The following GSG1L variants were observed in gnomAD, a reference collection of about 807,000 sequenced individuals.
The protein encoded by GSG1L is GSG1 like, also known as germ cell-specific gene 1-like protein.
A neutral mutation model predicts 42.1 loss-of-function variants in GSG1L; 24 were observed. The ratio of observed to expected loss-of-function variants is 0.57; its 90% confidence interval spans 0.41 to 0.80. The LOEUF (loss-of-function observed/expected upper bound fraction) is 0.80. Ranked by LOEUF, GSG1L falls within the 30% of genes least tolerant of loss-of-function variation. The pLI, the probability that GSG1L is intolerant of heterozygous loss-of-function variation, is 0.00. For missense variants in GSG1L, 445 were observed against 472.2 expected (o/e 0.94, Z 0.53); for synonymous variants, 215 against 203.5 (o/e 1.06, Z -0.48).
At chr16:27,905,318 TC>T in intron 2 of GSG1L, among the ~76,000 whole-genome samples, 1 of 129,236 alleles carries the variant, frequency 7.7e-6, no homozygotes, top group African/African-American at 2.7e-5. Context: ...CATGCCAGAA[TC>T]TTTTTTTTTT....
At chr16:27,796,661 G>T (rs2082820781) in intron 6 of GSG1L, among the ~76,000 whole-genome samples, 1 of 152,208 alleles carries the variant, frequency 6.6e-6, no homozygotes. Context: ...TGTGTCTTCT[G>T]GTCTACCTCA....
intron 2 of GSG1L, among the ~76,000 whole-genome samples, chr16:27,954,135 G>C (rs1252788742): frequency 6.6e-6 from 1 of 152,118 alleles, no homozygotes; most frequent in Non-Finnish European, 1.5e-5. Context: ...TCAGGAGAGA[G>C]ACCTGGGTTT....
chr16:27,854,206 G>C (rs2083547199), intron 3 of GSG1L, among the ~76,000 whole-genome samples: 1 of 147,132 alleles, frequency 6.8e-6, no homozygotes, highest in African/African-American at 2.5e-5. Flanking sequence ...AAGGGGAGAG[G>C]AAGGGGGAGG....
intron 2 of GSG1L, among the ~76,000 whole-genome samples, chr16:27,916,718 C>T (rs1347328767): frequency 1.3e-5 from 2 of 152,096 alleles, no homozygotes; most frequent in Non-Finnish European, 2.9e-5. Flanking sequence ...TTATGACACT[C>T]ATTCTTTGTG....
chr16:27,946,125 A>G (rs963440098), intron 2 of GSG1L, among the ~76,000 whole-genome samples: 1 of 152,262 alleles, frequency 6.6e-6, no homozygotes, highest in African/African-American at 2.4e-5. Flanking sequence ...GAAATAGCAC[A>G]GGACTGACGG....
chr16:27,903,872 G>A (rs190953937), intron 2 of GSG1L, among the ~76,000 whole-genome samples: 2 of 151,970 alleles, frequency 1.3e-5, no homozygotes, highest in African/African-American at 4.8e-5. Context: ...TCACTTACCT[G>A]TCAGAGCCAG....
In GSG1L at chr16:27,791,462, G is replaced by A; in HGVS notation, c.904C>T (p.Gln302Ter). ...CRHERYPARH[Q>*]PHMADSWPRS... is the part of the protein sequence containing the mutation. ...GGCCAGGAATCCGCCATGTGTGGCT[G>A]GTGTCCTGCCAGGAGACAAGGCGGT... The change falls in exon 7 of 7, where the codon CAG (glutamine) becomes TAG (stop). Residue 302 changes from glutamine (Q) to a stop codon, truncating the protein, a stop_gained. Transcript: ENST00000447459. LOFTEE classifies it high-confidence loss of function. 1 of 1,484,506 alleles carries A rather than the reference G, an allele frequency of 6.7e-7. No homozygotes were observed. The highest frequency in any genetic ancestry group is 1.4e-5 in the South Asian group (1 of 71,574). 92.0% of individuals were successfully genotyped at this position (1,484,506 alleles called of 1,614,324 possible). A position where few individuals can be genotyped will look rare whatever the true frequency, so the allele number is the denominator to read the frequency against.
chr16:27,832,066 A>G (rs2083280394), intron 4 of GSG1L, among the ~76,000 whole-genome samples: 1 of 152,116 alleles, frequency 6.6e-6, no homozygotes, highest in South Asian at 2.1e-4. Context: ...ATTCTGTATC[A>G]CATGCCCCTG....
intron 3 of GSG1L, among the ~76,000 whole-genome samples, chr16:27,880,895 G>C (rs2083944559): frequency 6.6e-6 from 1 of 151,530 alleles, no homozygotes; most frequent in East Asian, 1.9e-4. Context: ...GAGGGGACTG[G>C]ATGCCTGCCC....
At chr16:27,989,924 A>G (rs1486898139) in intron 1 of GSG1L, among the ~76,000 whole-genome samples, 2 of 152,118 alleles carry the variant, frequency 1.3e-5, no homozygotes, top group Non-Finnish European at 2.9e-5. Flanking sequence ...TCTTTTTCCT[A>G]AAAGCTTTTT....
chr16:27,945,606 A>G (rs1417057644), intron 2 of GSG1L, among the ~76,000 whole-genome samples: 1 of 152,216 alleles, frequency 6.6e-6, no homozygotes, highest in Admixed American at 6.5e-5. Flanking sequence ...TGAAATTTCA[A>G]GCAGACGCCT....
intron 3 of GSG1L, chr16:27,850,582 G>A (rs182979100): frequency 2.0e-5 from 9 of 455,902 alleles, no homozygotes; most frequent in African/African-American, 1.4e-4. Context: ...CTGAGGCAGA[G>A]TGGCCAGGGA....
At chr16:27,832,440 T>G (rs1297022911) in intron 4 of GSG1L, among the ~76,000 whole-genome samples, 1 of 152,238 alleles carries the variant, frequency 6.6e-6, no homozygotes, top group Non-Finnish European at 1.5e-5. Context: ...TTTTACCTCT[T>G]CAAGTATTTT....
rs367768910 is a variant in GSG1L, at chr16:28,036,579, C to A, written c.349+26497G>T. ...TGCCTCTCCTTTCCCATCACTCTGT[C>A]CCCCCCTTCACCAGGACTTCCTGGA... On this transcript the variant is annotated intron_variant, in intron 1 of 6. Coordinates refer to ENST00000447459, the MANE Select transcript of GSG1L (RefSeq NM_001109763.2). Among the ~76,000 whole-genome samples, 69 of 152,278 alleles carry A rather than the reference C, an allele frequency of 4.5e-4. No individual in the cohort carries two copies. The East Asian group carries it at 9.5e-3, about 21-fold the overall frequency.
At chr16:28,036,861 TC>T (rs2086044632) in intron 1 of GSG1L, among the ~76,000 whole-genome samples, 1 of 152,188 alleles carries the variant, frequency 6.6e-6, no homozygotes, top group Non-Finnish European at 1.5e-5. Flanking sequence ...CTACTCCCAC[TC>T]CCAGTCTCCT....
intron 1 of GSG1L, among the ~76,000 whole-genome samples, chr16:27,991,586 G>A (rs2085456832): frequency 6.6e-6 from 1 of 151,684 alleles, no homozygotes; most frequent in Non-Finnish European, 1.5e-5. Flanking sequence ...TGTATTTTTA[G>A]TAGACACGAG....
At chr16:27,985,885 C>T (rs2085376077) in intron 1 of GSG1L, among the ~76,000 whole-genome samples, 1 of 152,130 alleles carries the variant, frequency 6.6e-6, no homozygotes, top group African/African-American at 2.4e-5. Context: ...CACAGACTAA[C>T]ACGACTCCTT....
At chr16:27,865,976 C>T (rs938836164) in intron 3 of GSG1L, among the ~76,000 whole-genome samples, 3 of 152,136 alleles carry the variant, frequency 2.0e-5, no homozygotes, top group Non-Finnish European at 4.4e-5. Context: ...GCTGGGATTA[C>T]AGTTGTGAGC....
chr16:27,921,790 A>T (rs891147015), intron 2 of GSG1L, among the ~76,000 whole-genome samples: 1 of 152,150 alleles, frequency 6.6e-6, no homozygotes, highest in Non-Finnish European at 1.5e-5. Flanking sequence ...CTTATGCGGC[A>T]GCCCCTTCTC....
Sources: gnomAD v4.1 joint callset for allele counts (sites outside exome capture counted in the v4.1 genomes callset) on GRCh38, gnomAD v4.1.1 for gene constraint, MANE v1.5 for transcripts, NCBI Gene and HGNC (gene_info 2026-07-23, HGNC 2026-07-21) for gene names.